The following MARCHF1 variants were observed in gnomAD, a reference collection of about 807,000 sequenced individuals.
The protein encoded by MARCHF1 is E3 ubiquitin-protein ligase MARCHF1.
In MARCHF1, 40 loss-of-function variants were observed where a neutral mutation model predicts 54.2. The ratio of observed to expected loss-of-function variants is 0.74; its 90% confidence interval spans 0.57 to 0.96. The LOEUF is 0.96. MARCHF1 is among the 40% of genes least tolerant of loss of function. The pLI, the probability that MARCHF1 is intolerant of heterozygous loss-of-function variation, is 0.00. For missense variants in MARCHF1, 586 were observed against 656.5 expected, an observed-to-expected ratio of 0.89 and a Z score of 1.17; for synonymous variants, 236 against 236.3, an observed-to-expected ratio of 1.00 and a Z score of 0.01.
chr4:163,557,403 G>C (rs1334196464), intron 8 of MARCHF1, among the ~76,000 whole-genome samples: 2 of 152,214 alleles, frequency 1.3e-5, no homozygotes, highest in African/African-American at 2.4e-5. Flanking sequence ...ACCAAAGAAA[G>C]CTTCAGGGGG....
At chr4:164,092,981 T>C (rs750247600) in intron 2 of MARCHF1, among the ~76,000 whole-genome samples, 2 of 152,104 alleles carry the variant, frequency 1.3e-5, no homozygotes, top group Admixed American at 6.6e-5. Flanking sequence ...GTAAATGGGC[T>C]TTACACTCCA....
intron 1 of MARCHF1, among the ~76,000 whole-genome samples, chr4:164,370,465 C>G (rs2110955051): frequency 6.6e-6 from 1 of 152,338 alleles, no homozygotes; most frequent in South Asian, 2.1e-4. Flanking sequence ...ACCATACTCT[C>G]TCACCAGTCT....
intron 2 of MARCHF1, among the ~76,000 whole-genome samples, chr4:164,092,939 T>G (rs1446913160): frequency 6.6e-6 from 1 of 152,124 alleles, no homozygotes; most frequent in Non-Finnish European, 1.5e-5. Flanking sequence ...ATCAATCCTA[T>G]GAATAGAAGA....
At chr4:164,022,005 G>A (rs1388102528) in intron 2 of MARCHF1, among the ~76,000 whole-genome samples, 1 of 151,926 alleles carries the variant, frequency 6.6e-6, no homozygotes, top group Admixed American at 6.6e-5. Context: ...TGACATTTTG[G>A]TAGAGTAAAA....
chr4:163,950,555 G>T (rs1752114594), intron 3 of MARCHF1, among the ~76,000 whole-genome samples: 1 of 152,174 alleles, frequency 6.6e-6, no homozygotes. Context: ...GTGCTCAGGA[G>T]GGTGGGGCTC....
At chr4:164,030,893 G>T (rs1032970796) in intron 2 of MARCHF1, among the ~76,000 whole-genome samples, 2 of 152,092 alleles carry the variant, frequency 1.3e-5, no homozygotes, top group South Asian at 2.1e-4. Context: ...GTCTATTGTT[G>T]GTGTATAGGA....
At chr4:164,053,909 A>C (rs1035205303) in intron 2 of MARCHF1, among the ~76,000 whole-genome samples, 9 of 152,256 alleles carry the variant, frequency 5.9e-5, no homozygotes, top group East Asian at 3.9e-4. Flanking sequence ...GGCAACAAAG[A>C]CAAAATTGAC....
intron 5 of MARCHF1, among the ~76,000 whole-genome samples, chr4:163,664,849 T>C (rs1743476092): frequency 6.6e-6 from 1 of 152,042 alleles, no homozygotes; most frequent in Non-Finnish European, 1.5e-5. Flanking sequence ...ACAGTATACA[T>C]AGGGCTTAGG....
intron 4 of MARCHF1, among the ~76,000 whole-genome samples, chr4:163,743,800 C>T (rs1746278725): frequency 1.3e-5 from 2 of 152,172 alleles, no homozygotes; most frequent in South Asian, 4.1e-4. Context: ...AGGAGATACA[C>T]CATCTTTTGC....
intron 2 of MARCHF1, among the ~76,000 whole-genome samples, chr4:164,000,610 T>C (rs1348854216): frequency 1.3e-5 from 2 of 151,702 alleles, no homozygotes; most frequent in Non-Finnish European, 3.0e-5. Context: ...CTAAGTTAGA[T>C]AGAATGTAAT....
At chr4:163,633,961 A>G (rs551503999) in intron 5 of MARCHF1, among the ~76,000 whole-genome samples, 2,483 of 152,298 alleles carry the variant, frequency 0.016, 31 homozygotes, top group Non-Finnish European at 0.025. Flanking sequence ...TAAAGAAAAG[A>G]ATTTTCAACC....
chr4:164,123,463 A>G (rs1315491740), intron 1 of MARCHF1, among the ~76,000 whole-genome samples: 1 of 152,188 alleles, frequency 6.6e-6, no homozygotes, highest in Non-Finnish European at 1.5e-5. Flanking sequence ...TAAAATTTAT[A>G]TGGAACCATA....
At chr4:164,165,768 A>C (rs573602854) in intron 1 of MARCHF1, among the ~76,000 whole-genome samples, 1 of 151,894 alleles carries the variant, frequency 6.6e-6, no homozygotes, top group Non-Finnish European at 1.5e-5. Flanking sequence ...TGATGACCTT[A>C]AATTCTGCTT....
chr4:164,329,658 C>A (rs1245081618), intron 1 of MARCHF1, among the ~76,000 whole-genome samples: 1 of 152,178 alleles, frequency 6.6e-6, no homozygotes, highest in Non-Finnish European at 1.5e-5. Context: ...ATGGGGAGGT[C>A]TCAGGAAGCT....
intron 3 of MARCHF1, among the ~76,000 whole-genome samples, chr4:163,895,915 C>A (rs1163249597): frequency 6.6e-6 from 1 of 152,030 alleles, no homozygotes; most frequent in Non-Finnish European, 1.5e-5. Flanking sequence ...CACTGCCCCA[C>A]AATAAACACA....
chr4:164,109,454 A>G (rs1755783072), intron 2 of MARCHF1, among the ~76,000 whole-genome samples: 1 of 152,016 alleles, frequency 6.6e-6, no homozygotes, highest in African/African-American at 2.4e-5. Flanking sequence ...CCTTTTCTAT[A>G]AGGTCTCTTC....
At chr4:164,079,862 T>A (rs1040398734) in intron 2 of MARCHF1, among the ~76,000 whole-genome samples, 1 of 152,168 alleles carries the variant, frequency 6.6e-6, no homozygotes, top group African/African-American at 2.4e-5. Context: ...ATTACTAATT[T>A]ATTACAGAAA....
intron 1 of MARCHF1, among the ~76,000 whole-genome samples, chr4:164,305,109 A>G (rs1478028026): frequency 6.6e-6 from 1 of 152,138 alleles, no homozygotes; most frequent in African/African-American, 2.4e-5. Flanking sequence ...CATTGCAAAT[A>G]AATGCATTGT....
chr4:163,948,253 A>T (rs1752063161), intron 3 of MARCHF1, among the ~76,000 whole-genome samples: 1 of 152,230 alleles, frequency 6.6e-6, no homozygotes, highest in Non-Finnish European at 1.5e-5. Flanking sequence ...AGGTAATATC[A>T]TTAGCTAGAC....
Sources: gnomAD v4.1 joint callset for allele counts (sites outside exome capture counted in the v4.1 genomes callset) on GRCh38, gnomAD v4.1.1 for gene constraint, MANE v1.5 for transcripts, NCBI Gene and HGNC (gene_info 2026-07-23, HGNC 2026-07-21) for gene names.